NXPE2: variants seen among roughly 807,000 people sequenced by gnomAD.
NXPE2 encodes neurexophilin and PC-esterase domain family member 2, also known as NXPE family member 2.
A neutral mutation model predicts 34.4 loss-of-function variants in NXPE2; 34 were observed. The ratio of observed to expected loss-of-function variants is 0.99; its 90% CI spans 0.75 to 1.31. NXPE2 has a LOEUF of 1.31. Ranked by LOEUF, NXPE2 falls within the 40% of genes most tolerant of loss-of-function variation. The pLI, the probability that NXPE2 is intolerant of heterozygous loss-of-function variation, is 0.00. For synonymous variants in NXPE2, 235 were observed against 231.3 expected (o/e 1.02, Z -0.15); for missense variants, 649 against 672.5 (o/e 0.97, Z 0.39).
chr11:114,642,035 T>A, the NXPE2 span, among the ~76,000 whole-genome samples: 1 of 152,172 alleles, frequency 6.6e-6, no homozygotes, highest in South Asian at 2.1e-4. Flanking sequence ...ATTCTCTGCA[T>A]AGTTATTTCT....
chr11:114,714,918 A>G, the NXPE2 span, among the ~76,000 whole-genome samples: 2 of 152,158 alleles, frequency 1.3e-5, no homozygotes, highest in Non-Finnish European at 2.9e-5. Context: ...GCTACTTGGG[A>G]GCCTGAGGCA....
At chr11:114,572,390 A>G in the NXPE2 span, among the ~76,000 whole-genome samples, 1 of 152,212 alleles carries the variant, frequency 6.6e-6, no homozygotes, top group Admixed American at 6.5e-5. Context: ...TGCAGGAAAA[A>G]TAATTTAGAA....
At chr11:114,751,313 G>A in the NXPE2 span, among the ~76,000 whole-genome samples, 9 of 152,136 alleles carry the variant, frequency 5.9e-5, no homozygotes, top group Non-Finnish European at 1.3e-4. Context: ...TACACCATTC[G>A]TTGGTTGATT....
chr11:114,596,529 C>A, the NXPE2 span, among the ~76,000 whole-genome samples: 1 of 152,190 alleles, frequency 6.6e-6, no homozygotes, highest in Admixed American at 6.5e-5. Flanking sequence ...CACAACTGGT[C>A]TACTTGTTTC....
the NXPE2 span, among the ~76,000 whole-genome samples, chr11:114,594,378 TC>T: frequency 4.6e-5 from 7 of 152,180 alleles, no homozygotes; most frequent in Admixed American, 4.6e-4. Flanking sequence ...GATATTCTGT[TC>T]TTCAGATGTT....
chr11:114,487,975 T>C, the NXPE2 span, among the ~76,000 whole-genome samples: 5 of 152,162 alleles, frequency 3.3e-5, no homozygotes, highest in African/African-American at 1.2e-4. Context: ...CCTTTTTTGA[T>C]ATATTATGAT....
Position 114,698,214 on chromosome 11 carries a change from C to G in NXPE2, c.302C>G (p.Thr101Ser). ...LDQQIPPRPF[T>S]HVNTTTSATH... The stretch of plus-strand genomic sequence containing the variant: ...CAGCAGATCCCACCCAGACCTTTCA[C>G]CCATGTGAATACCACCACCAGTGCC... Residue 101 changes from threonine to serine, a missense_variant, in exon 3 of 6, where the codon ACC (threonine) becomes AGC (serine). Thr to Ser is a moderately conservative substitution (Grantham distance 58, BLOSUM62 1). Transcript: ENST00000389586. The G allele has an allele frequency of 6.2e-7, 1 of 1,614,088 alleles. No homozygotes were observed. Among genetic ancestry groups the G allele is most frequent in the Non-Finnish European group, 8.5e-7 (1 of 1,179,942 alleles).
chr11:114,737,223 C>T, the NXPE2 span, among the ~76,000 whole-genome samples: 1 of 152,136 alleles, frequency 6.6e-6, no homozygotes, highest in Non-Finnish European at 1.5e-5. Context: ...ATGCCCCTAA[C>T]TCATCTCTAC....
At chr11:114,567,405 T>C in the NXPE2 span, among the ~76,000 whole-genome samples, 1 of 151,952 alleles carries the variant, frequency 6.6e-6, no homozygotes, top group Non-Finnish European at 1.5e-5. Flanking sequence ...GCAGACCCGC[T>C]CTAGCCTGGG....
At chr11:114,583,825 C>A in the NXPE2 span, 1 of 422,542 alleles carries the variant, frequency 2.4e-6, no homozygotes. Flanking sequence ...ATATTACAGG[C>A]TAGGCCAGGA....
the NXPE2 span, among the ~76,000 whole-genome samples, chr11:114,672,123 C>T: frequency 1.3e-5 from 2 of 151,916 alleles, no homozygotes; most frequent in African/African-American, 4.8e-5. Flanking sequence ...AGTACAAGAA[C>T]AGCAAGGGGG....
the NXPE2 span, chr11:114,518,115 G>T: frequency 6.6e-6 from 1 of 152,256 alleles, no homozygotes. Context: ...GTGGCTCTCT[G>T]CTATTTGGTG....
chr11:114,612,805 C>CACAG, the NXPE2 span, among the ~76,000 whole-genome samples: 1 of 151,668 alleles, frequency 6.6e-6, no homozygotes, highest in African/African-American at 2.4e-5. Context: ...AGTGTTGCCT[C>CACAG]GTGGGAAAGC....
the NXPE2 span, among the ~76,000 whole-genome samples, chr11:114,609,060 G>A: frequency 1.1e-4 from 17 of 151,866 alleles, no homozygotes; most frequent in Admixed American, 4.6e-4. Flanking sequence ...GTATTGCCTC[G>A]TGGGTAACCA....
chr11:114,502,317 C>A, the NXPE2 span, among the ~76,000 whole-genome samples: 1 of 152,114 alleles, frequency 6.6e-6, no homozygotes, highest in Non-Finnish European at 1.5e-5. Flanking sequence ...TCTTCACTCC[C>A]CCCACAAAAG....
chr11:114,595,685 T>A, the NXPE2 span: 4 of 152,488 alleles, frequency 2.6e-5, no homozygotes, highest in African/African-American at 9.6e-5. Flanking sequence ...GCTACTGGCA[T>A]ACCTCTTGTC....
At chr11:114,670,031 C>A in the NXPE2 span, among the ~76,000 whole-genome samples, 9 of 152,140 alleles carry the variant, frequency 5.9e-5, no homozygotes, top group Admixed American at 2.0e-4. Flanking sequence ...GGAAACTGCA[C>A]AAAGACATAG....
At chr11:114,740,077 T>TA in the NXPE2 span, among the ~76,000 whole-genome samples, 1 of 152,180 alleles carries the variant, frequency 6.6e-6, no homozygotes, top group Admixed American at 6.5e-5. Flanking sequence ...TTGCCTATGA[T>TA]AAAGTTTAAT....
At chr11:114,758,721 G>T in the NXPE2 span, among the ~76,000 whole-genome samples, 20 of 151,660 alleles carry the variant, frequency 1.3e-4, no homozygotes, top group South Asian at 2.1e-3. Flanking sequence ...CCCTAGCAGT[G>T]TGTGTACATA....
Sources: allele counts gnomAD v4.1 joint callset (sites outside exome capture counted in the v4.1 genomes callset), GRCh38; gene constraint gnomAD v4.1.1; transcripts MANE v1.5; gene names NCBI Gene and HGNC (gene_info 2026-07-23, HGNC 2026-07-21).